The following FBXL2 variants were observed in gnomAD, a reference collection of about 807,000 sequenced individuals.
The protein encoded by FBXL2 is F-box/LRR-repeat protein 2.
In FBXL2, 38 loss-of-function variants were observed where a neutral mutation model predicts 69.2. The observed-to-expected ratio is 0.55, with a 90% CI of 0.42 to 0.72. The LOEUF (loss-of-function observed/expected upper bound fraction) is 0.72. FBXL2 is among the 30% of genes least tolerant of loss of function. The pLI, the probability that FBXL2 is intolerant of heterozygous loss-of-function variation, is 0.00. For synonymous variants in FBXL2, 192 were observed against 201.3 expected (o/e 0.95, Z 0.39); for missense variants, 354 against 520.3 (o/e 0.68, Z 3.11).
At chr3:33,403,315 AC>A in exon 13 of FBXL2, 1 of 232,512 alleles carries the variant, frequency 4.3e-6, no homozygotes, top group East Asian at 1.6e-4. Context: ...TCACATGGTG[AC>A]CTGAAACATG....
chr3:33,298,282 T>G (rs893671370), intron 2 of FBXL2, among the ~76,000 whole-genome samples: 1 of 152,210 alleles, frequency 6.6e-6, no homozygotes, highest in African/African-American at 2.4e-5. Flanking sequence ...TAAATGTTAT[T>G]TTGGTTGTTG....
At chr3:33,389,219 A>C (rs970565070), downstream of FBXL2, 1 of 152,620 alleles carries the variant, frequency 6.6e-6, no homozygotes, top group African/African-American at 2.4e-5. Context: ...AAAGCCCCTA[A>C]ATCATCACCA....
chr3:33,406,707 A>G (rs772749335), downstream of FBXL2, among the ~76,000 whole-genome samples: 3 of 152,242 alleles, frequency 2.0e-5, no homozygotes, highest in African/African-American at 4.8e-5. Flanking sequence ...TCCTGAATTC[A>G]TAACGGCGCT....
chr3:33,318,768 T>C (rs2037936757), intron 2 of FBXL2, among the ~76,000 whole-genome samples: 1 of 152,202 alleles, frequency 6.6e-6, no homozygotes, highest in African/African-American at 2.4e-5. Flanking sequence ...GCTCAACTAA[T>C]AGAATTCGGT....
At chr3:33,297,026 A>T (rs1369406821) in intron 1 of FBXL2, among the ~76,000 whole-genome samples, 1 of 152,210 alleles carries the variant, frequency 6.6e-6, no homozygotes, top group Non-Finnish European at 1.5e-5. Context: ...GTTCATGAAC[A>T]TGGATGTCTT....
chr3:33,374,857 G>A (rs2042535396), intron 9 of FBXL2, among the ~76,000 whole-genome samples: 1 of 151,956 alleles, frequency 6.6e-6, no homozygotes, highest in Non-Finnish European at 1.5e-5. Flanking sequence ...TGTGTATATT[G>A]TAAATATCTA....
chr3:33,335,586 ACT>A (rs2039513092), intron 2 of FBXL2, among the ~76,000 whole-genome samples: 1 of 152,180 alleles, frequency 6.6e-6, no homozygotes, highest in African/African-American at 2.4e-5. Flanking sequence ...AGGAAAATAC[ACT>A]GTTATTCTGG....
chr3:33,300,151 T>C (rs2036139770), intron 2 of FBXL2, among the ~76,000 whole-genome samples: 1 of 152,170 alleles, frequency 6.6e-6, no homozygotes. Flanking sequence ...ACTCCACCCT[T>C]CTCATGCATA....
At chr3:33,417,820 C>T in the FBXL2 span, among the ~76,000 whole-genome samples, 1 of 152,172 alleles carries the variant, frequency 6.6e-6, no homozygotes, top group Non-Finnish European at 1.5e-5. Flanking sequence ...AACACCTTGT[C>T]CATACTCCCA....
At chr3:33,383,914 C>T in intron 13 of FBXL2, 75 bp from the exon 14 acceptor site, 3 of 1,460,772 alleles carry the variant, frequency 2.1e-6, no homozygotes, top group Non-Finnish European at 2.9e-6. Flanking sequence ...AAAAGGCTAG[C>T]TTCCAGCTTT....
At chr3:33,419,648 GAAGAA>G in the FBXL2 span, among the ~76,000 whole-genome samples, 2 of 143,108 alleles carry the variant, frequency 1.4e-5, no homozygotes, top group South Asian at 2.2e-4. Context: ...AAAAAAACCA[GAAGAA>G]AAGAAAAGAC....
At chr3:33,384,254 G>A in intron 14 of FBXL2, 53 bp downstream of exon 14, 1 of 1,560,076 alleles carries the variant, frequency 6.4e-7, no homozygotes, top group South Asian at 1.1e-5. Flanking sequence ...AGCACCAAAG[G>A]AAAACATCAA....
chr3:33,359,028 T>TA lies in FBXL2; in HGVS notation c.120+8dup, dbSNP rs780160404. On this transcript the variant is annotated splice_region_variant and intron_variant, in intron 3 of 14. Coordinates refer to ENST00000484457, the MANE Select transcript of FBXL2 (RefSeq NM_012157.5). ...ATGTGCACAGATTTCCAAGGTAGAGTATTCACCAGATTTTTTAATCAATAA... is the reference window on the plus strand; with the variant it reads ...ATGTGCACAGATTTCCAAGGTAGAGTAATTCACCAGATTTTTTAATCAATAA... 2.2e-5 allele frequency: 34 copies of TA among 1,514,804 alleles called. No individual in the cohort carries two copies. The African/African-American group carries it at 4.2e-4, about 19-fold the overall frequency. 93.8% of individuals were successfully genotyped at this position (1,514,804 alleles called of 1,614,324 possible). A position where few individuals can be genotyped will look rare whatever the true frequency, so the allele number is the denominator to read the frequency against.
At chr3:33,400,934 C>T in intron 12 of FBXL2, 1 of 1,587,896 alleles carries the variant, frequency 6.3e-7, no homozygotes, top group Non-Finnish European at 8.5e-7. Context: ...CTGAAAGCAT[C>T]AGATAGTTTT....
intron 2 of FBXL2, among the ~76,000 whole-genome samples, chr3:33,316,511 C>T (rs1241077585): frequency 6.6e-6 from 1 of 152,134 alleles, no homozygotes; most frequent in Admixed American, 6.5e-5. Context: ...GTGGACCCCT[C>T]CACTCATGTG....
intron 2 of FBXL2, among the ~76,000 whole-genome samples, chr3:33,352,849 C>G (rs1187076122): frequency 6.6e-6 from 1 of 152,032 alleles, no homozygotes; most frequent in Non-Finnish European, 1.5e-5. Flanking sequence ...GAGCTGAGAT[C>G]ACACCACTGC....
At chr3:33,321,782 AG>A (rs1361004403) in intron 2 of FBXL2, among the ~76,000 whole-genome samples, 14 of 152,200 alleles carry the variant, frequency 9.2e-5, no homozygotes, top group African/African-American at 2.7e-4. Flanking sequence ...AGGCACTTGT[AG>A]CAGAATTGTA....
Position 33,373,482 on chromosome 3 carries a change from C to G in FBXL2, c.456-96C>G, listed in dbSNP as rs1161969976. 11 of 1,577,496 alleles carry G rather than the reference C, an allele frequency of 7.0e-6. No homozygotes were observed. In the African/African-American group the frequency reaches 1.5e-4, roughly 21 times the overall value. The stretch of plus-strand genomic sequence containing the variant: ...TCCAAGAGGTCCCAGGCATGGTCTC[C>G]CCTTCGGAATTTCTTGTGATGTACT... On this transcript the variant is annotated intron_variant, in intron 7 of 14. Transcript: ENST00000484457.
At chr3:33,311,153 G>A (rs779584874) in intron 2 of FBXL2, among the ~76,000 whole-genome samples, 42 of 152,282 alleles carry the variant, frequency 2.8e-4, no homozygotes, top group Non-Finnish European at 4.4e-5. Context: ...GCTGATAAGT[G>A]TATTGAAGTT....
Sources: allele counts gnomAD v4.1 joint callset (sites outside exome capture counted in the v4.1 genomes callset), GRCh38; gene constraint gnomAD v4.1.1; transcripts MANE v1.5; gene names NCBI Gene and HGNC (gene_info 2026-07-23, HGNC 2026-07-21).